The following PNPLA5 variants were observed in gnomAD, a reference collection of about 807,000 sequenced individuals.
PNPLA5 encodes patatin-like phospholipase domain-containing protein 5.
A neutral mutation model predicts 49.1 loss-of-function variants in PNPLA5; 44 were observed. That is an observed-to-expected ratio of 0.90 (90% CI 0.70 to 1.15). The LOEUF is 1.15. Ranked by LOEUF, PNPLA5 falls within the 50% of genes most tolerant of loss-of-function variation. The pLI, the probability that PNPLA5 is intolerant of heterozygous loss-of-function variation, is 0.00. For missense variants in PNPLA5, 603 were observed against 564.0 expected, an observed-to-expected ratio of 1.07 and a Z score of -0.70; for synonymous variants, 243 against 244.4, an observed-to-expected ratio of 0.99 and a Z score of 0.06.
At chr22:43,891,009 G>A in intron 2 of PNPLA5, 53 bp downstream of exon 2, 2 of 1,569,154 alleles carry the variant, frequency 1.3e-6, no homozygotes, top group Non-Finnish European at 1.7e-6. Context: ...TGTCACTCTG[G>A]ACTAGATGGA....
chr22:43,882,000 C>T (rs1259764734), intron 7 of PNPLA5, among the ~76,000 whole-genome samples: 1 of 152,204 alleles, frequency 6.6e-6, no homozygotes, highest in Non-Finnish European at 1.5e-5. Flanking sequence ...GAGGCTACAG[C>T]CCAGCCTCCC....
rs910678999 is a variant in PNPLA5 at position 43,891,774 on chromosome 22, G to A, written c.107C>T (p.Pro36Leu). 1.4e-4 allele frequency: 214 copies of A among 1,530,372 alleles called. No homozygotes were observed. The highest frequency in any genetic ancestry group is 1.8e-4 in the Non-Finnish European group (211 of 1,141,276). The allele number at this position is 1,530,372 out of a possible 1,614,324, so 94.8% of individuals were successfully genotyped here. Reference sequence around the variant, plus strand: ...GCGGCGGGCGCCCTGGAGGAGGCGCGGGGCTCGCTGGCGCAGGCATTCGGT... The same window carrying A: ...GCGGCGGGCGCCCTGGAGGAGGCGCAGGGCTCGCTGGCGCAGGCATTCGGT... ...GATECLRQRA[P>L]RLLQGARRIY... The change falls in exon 1 of 9, where the codon CCG (proline) becomes CTG (leucine). Residue 36 changes from proline (P) to leucine (L), a missense_variant. By Grantham distance (98) the Pro-to-Leu change is moderately conservative. Coordinates refer to ENST00000216177, the MANE Select transcript of PNPLA5 (RefSeq NM_138814.4).
At position 43,888,371 on chromosome 22, in the gene PNPLA5, A is replaced by AGTGTGTGTGT. The variant is rs35343347; in HGVS notation, c.703-730_703-721dup. 4.4e-3 allele frequency among the ~76,000 whole-genome samples: 498 copies of AGTGTGTGTGT among 112,972 alleles called. 6 individuals are homozygous for AGTGTGTGTGT. The highest frequency in any genetic ancestry group is 0.011 in the African/African-American group (291 of 27,266). 74.1% of individuals were successfully genotyped at this position (112,972 alleles called of 152,430 possible). A position where few individuals can be genotyped will look rare whatever the true frequency, so the allele number is the denominator to read the frequency against. ...AGCCAGGATGTGGATGGGGCAGAGGAGTGTGTGTGTGTGTGTGTGTGTGTG... is the reference window on the plus strand; with the variant it reads ...AGCCAGGATGTGGATGGGGCAGAGGAGTGTGTGTGTGTGTGTGTGTGTGTGTGTGTGTGTG... On this transcript the variant is annotated intron_variant, in intron 4 of 8. Transcript: ENST00000216177.
At chr22:43,884,694 G>T (rs1190838851) in intron 6 of PNPLA5, among the ~76,000 whole-genome samples, 3 of 151,426 alleles carry the variant, frequency 2.0e-5, no homozygotes, top group Non-Finnish European at 4.4e-5. Context: ...TCTGTGGCCT[G>T]CTAGGCTGGG....
rs1471818279 is a variant in PNPLA5 at position 43,890,928 on chromosome 22, A to C, written c.426+134T>G. On this transcript the variant is annotated intron_variant, in intron 2 of 8. Coordinates refer to ENST00000216177, the MANE Select transcript of PNPLA5 (RefSeq NM_138814.4). Reference sequence around the variant, plus strand: ...ACCCTCTCTGGGCCTCAGTTTCCTCACCTACAAACAGGTCCACCCGCCCTC... The same window carrying C: ...ACCCTCTCTGGGCCTCAGTTTCCTCCCCTACAAACAGGTCCACCCGCCCTC... The C allele has an allele frequency of 4.3e-6, 5 of 1,163,580 alleles. No homozygotes were observed. The East Asian group carries it at 1.1e-4, about 26-fold the overall frequency. 72.1% of individuals were successfully genotyped at this position (1,163,580 alleles called of 1,614,324 possible). A position where few individuals can be genotyped will look rare whatever the true frequency, so the allele number is the denominator to read the frequency against.
At chr22:43,891,624 T>A in intron 1 of PNPLA5, 64 bp downstream of exon 1, 1 of 1,471,610 alleles carries the variant, frequency 6.8e-7, no homozygotes, top group Non-Finnish European at 9.0e-7. Context: ...CCAGCGTCTC[T>A]GGGCTCGATC....
Position 43,890,696 on chromosome 22 carries a change from C to T in PNPLA5, c.426+366G>A, listed in dbSNP as rs543536112. Among the ~76,000 whole-genome samples the T allele has an allele frequency of 2.6e-5, 4 of 152,322 alleles. No individual in the cohort carries two copies. The East Asian group carries it at 7.7e-4, about 29-fold the overall frequency. ...ACAGTCACAGTGCCTAGAATAGTGA[C>T]TGGCACATAATAGGTGTTCAATAAA... On this transcript the variant is annotated intron_variant, in intron 2 of 8. Transcript: ENST00000216177.
At position 43,886,460 on chromosome 22, in the gene PNPLA5, C is replaced by A. The variant is rs764677683; in HGVS notation, c.792G>T (p.Thr264=). 5 of 1,613,648 alleles carry A rather than the reference C, an allele frequency of 3.1e-6. No homozygotes were observed. The highest frequency in any genetic ancestry group is 1.7e-5 in the Admixed American group (1 of 59,966). ...GGGCTGGGGGTTCCTTAGACACCAG[C>A]GTCCATAGCACTGGTTCCTTGGTGA... is the stretch of plus-strand genomic sequence containing the variant. ...RGLTKEPVLW[T]LVSKEPPAPA... is the part of the protein sequence containing the mutation. Residue 264 remains threonine, a synonymous_variant, in exon 6 of 9, where the codon ACG becomes ACT. Transcript: ENST00000216177.
Position 43,891,279 on chromosome 22 carries a change from T to C in PNPLA5, c.209A>G (p.His70Arg). ...CAACTGCCCAACCATGCCCAGGAGG[T>C]GGGAGCAGCAGAAGTCTGCAGTGGG... Reference protein sequence around the residue: ...CGKSVDFCCSHLLGMVGQLER... With the variant: ...CGKSVDFCCSRLLGMVGQLER... The change falls in exon 2 of 9, where the codon CAC becomes CGC. Residue 70 changes from histidine (H) to arginine (R), a missense_variant. His to Arg is a conservative substitution (Grantham distance 29). Coordinates refer to ENST00000216177, the MANE Select transcript of PNPLA5 (RefSeq NM_138814.4). 1 of 1,556,872 alleles carries C rather than the reference T, an allele frequency of 6.4e-7. No homozygotes were observed. The highest frequency in any genetic ancestry group is 8.7e-7 in the Non-Finnish European group (1 of 1,152,272).
At chr22:43,885,843 G>C (rs778034603) in intron 6 of PNPLA5, among the ~76,000 whole-genome samples, 1 of 152,194 alleles carries the variant, frequency 6.6e-6, no homozygotes, top group Non-Finnish European at 1.5e-5. Context: ...TGTACAATGA[G>C]AACAATTCTG....
intron 2 of PNPLA5, among the ~76,000 whole-genome samples, chr22:43,890,697 T>C (rs1457552146): frequency 1.3e-5 from 2 of 152,186 alleles, no homozygotes; most frequent in Non-Finnish European, 2.9e-5. Flanking sequence ...GAATAGTGAC[T>C]GGCACATAAT....
In PNPLA5 at chr22:43,879,868, T is replaced by TA. The variant is rs1163890666; in HGVS notation, c.*926_*927insT. On this transcript the variant is annotated 3_prime_UTR_variant, in exon 9 of 9. Transcript: ENST00000216177. ...CCATGCCCAGCTAAGTTTTTATTAT[T>TA]TTTTTTAGAGACAGGGTCTTGCTAT... 6.6e-6 allele frequency: 1 copy of TA among 152,100 alleles called. No individual in the cohort carries two copies. Among genetic ancestry groups the TA allele is most frequent in the Non-Finnish European group, 1.5e-5 (1 of 68,034 alleles). The allele number at this position is 152,100 out of a possible 1,614,324, so 9.4% of individuals were successfully genotyped here. A position where few individuals can be genotyped will look rare whatever the true frequency, so the allele number is the denominator to read the frequency against.
rs1284767858 is a variant in PNPLA5 at position 43,887,635 on chromosome 22, C to T, written c.719G>A (p.Cys240Tyr). Residue 240 changes from cysteine to tyrosine, a missense_variant, in exon 5 of 9, where the codon TGC becomes TAC. Transcript: ENST00000216177. ...CAGGGCATCCAGGTAGCCTTGTCTGCAGTTGTCGGCCACTACCTGCCAACA... is the reference window on the plus strand; with the variant it reads ...CAGGGCATCCAGGTAGCCTTGTCTGTAGTTGTCGGCCACTACCTGCCAACA... The part of the protein sequence containing the change: ...PPSLEVVADN[C>Y]RQGYLDALRF... 6.2e-7 allele frequency: 1 copy of T among 1,606,260 alleles called. No individual in the cohort carries two copies.
chr22:43,885,229 CAG>C (rs760127079), intron 6 of PNPLA5, among the ~76,000 whole-genome samples: 1 of 152,224 alleles, frequency 6.6e-6, no homozygotes, highest in Non-Finnish European at 1.5e-5. Context: ...GCTTGGACCT[CAG>C]GGGTTCCGCA....
At chr22:43,891,472 G>A in intron 1 of PNPLA5, 178 bp from the exon 2 acceptor site, 2 of 941,646 alleles carry the variant, frequency 2.1e-6, no homozygotes, top group Non-Finnish European at 2.5e-6. Flanking sequence ...TTGCCCCGCC[G>A]ACCTGGGAAA....
chr22:43,891,393 C>T, intron 1 of PNPLA5, 99 bp from the exon 2 acceptor site: 1 of 1,434,866 alleles, frequency 7.0e-7, no homozygotes, highest in Non-Finnish European at 9.1e-7. Context: ...GAGCGGGGTC[C>T]TCCCCACTCC....
intron 4 of PNPLA5, 199 bp from the exon 5 acceptor site, chr22:43,887,850 G>A (rs1245504983): frequency 1.2e-6 from 1 of 817,758 alleles, no homozygotes; most frequent in Non-Finnish European, 1.5e-6. Flanking sequence ...AGGCCTGCAG[G>A]CAGAACAGAT....
rs200511568 is a variant in PNPLA5, at chr22:43,884,141, C to T, written c.1082+72G>A. 2.9e-3 allele frequency: 4,131 copies of T among 1,402,550 alleles called. 15 individuals are homozygous for T. The highest frequency in any genetic ancestry group is 3.6e-3 in the Non-Finnish European group (3,790 of 1,054,484). 86.9% of individuals were successfully genotyped at this position (1,402,550 alleles called of 1,614,324 possible). A position where few individuals can be genotyped will look rare whatever the true frequency, so the allele number is the denominator to read the frequency against. On this transcript the variant is annotated intron_variant, in intron 7 of 8. Coordinates refer to ENST00000216177, the MANE Select transcript of PNPLA5 (RefSeq NM_138814.4). ...AGCCCTACCCACCCAGTGTGCCAGC[C>T]GCCCCTCCTGCCATGGGCACCAGTC...
rs1026537368 is a variant in PNPLA5, at chr22:43,887,872, G to T, written c.703-221C>A. 6.4e-5 allele frequency: 42 copies of T among 660,668 alleles called. No homozygotes were observed. In the African/African-American group the frequency reaches 7.9e-4, roughly 12 times the overall value. The allele number at this position is 660,668 out of a possible 1,614,324, so 40.9% of individuals were successfully genotyped here. On this transcript the variant is annotated intron_variant, in intron 4 of 8. Transcript: ENST00000216177. The stretch of plus-strand genomic sequence containing the variant: ...CAGGCAGAACAGATCTGCTTGGCTA[G>T]TTCTGTCCCTGCAGGACCATTGCAT...
Sources: allele counts gnomAD v4.1 joint callset (sites outside exome capture counted in the v4.1 genomes callset), GRCh38; gene constraint gnomAD v4.1.1; transcripts MANE v1.5; gene names NCBI Gene and HGNC (gene_info 2026-07-23, HGNC 2026-07-21).